The following MXRA8 variants were observed in gnomAD, a reference collection of about 807,000 sequenced individuals.
The protein encoded by MXRA8 is matrix remodeling-associated protein 8.
MXRA8 carries 44 observed loss-of-function variants against 51.4 expected under a neutral mutation model. The ratio of observed to expected loss-of-function variants is 0.86; its 90% CI spans 0.67 to 1.10. The LOEUF is 1.10. Ranked by LOEUF, MXRA8 falls within the 50% of genes least tolerant of loss-of-function variation. MXRA8 has a pLI of 0.00. For synonymous variants in MXRA8, 369 were observed against 293.5 expected (o/e 1.26, Z -2.63); for missense variants, 765 against 638.9 (o/e 1.20, Z -2.13).
In MXRA8 at chr1:1,354,185, G is replaced by C. The variant is rs749381778; in HGVS notation, c.1145+8C>G. ...GGTCCCCAGGAGGGCCGGGAGGGGG[G>C]CACTCACCCCTTTGACTTTCCCGAC... On this transcript the variant is annotated splice_region_variant and intron_variant, in intron 7 of 9. Transcript: ENST00000309212. 5.0e-6 allele frequency: 8 copies of C among 1,612,680 alleles called. No homozygotes were observed. In the South Asian group the frequency reaches 7.7e-5, roughly 15 times the overall value.
Position 1,353,833 on chromosome 1 carries a change from G to GC in MXRA8, c.1303+14dup, listed in dbSNP as rs1644055007. On this transcript the variant is annotated intron_variant, in intron 9 of 9. Coordinates refer to ENST00000309212, the MANE Select transcript of MXRA8 (RefSeq NM_032348.4). ...CAGGGCTCTGAGATGGGCTGAGGTC[G>GC]CCCCCGCCGCTCACCTTTGTCTAGG... 1 of 1,558,530 alleles carries GC rather than the reference G, an allele frequency of 6.4e-7. No homozygotes were observed. Among genetic ancestry groups the GC allele is most frequent in the Non-Finnish European group, 8.7e-7 (1 of 1,150,884 alleles).
rs1644076089 is a variant in MXRA8 at position 1,354,496 on chromosome 1, C to T, written c.963G>A (p.Ala321=). The T allele has an allele frequency of 3.1e-6, 5 of 1,612,106 alleles. No individual in the cohort carries two copies. Among genetic ancestry groups the T allele is most frequent in the Non-Finnish European group, 3.4e-6 (4 of 1,179,756 alleles). Residue 321 remains alanine, a synonymous_variant, in exon 6 of 10, where the codon GCG becomes GCA. Transcript: ENST00000309212. ...TGACATTGATGACGTTGTGGCCGCG[C>T]GCCAGTGTGGGGTCTGCGGGGAACG... The part of the protein sequence containing the change: ...SGAPGPDPTL[A]RGHNVINVIV...
chr1:1,361,644 G>A (rs1644224240), upstream of MXRA8: 1 of 334,420 alleles, frequency 3.0e-6, no homozygotes, highest in Non-Finnish European at 5.8e-6. Context: ...TTAGGCTCGA[G>A]GACAAACCGT....
Position 1,358,484 on chromosome 1 carries a change from G to A in MXRA8, c.21C>T (p.Ile7=), listed in dbSNP as rs755414359. Residue 7 remains isoleucine, a synonymous_variant, in exon 1 of 10, where the codon ATC becomes ATT. Coordinates refer to ENST00000309212, the MANE Select transcript of MXRA8 (RefSeq NM_032348.4). The part of the protein sequence containing the change: MALPSR[I]LLWKLVLLQS... The stretch of plus-strand genomic sequence containing the variant: ...GCAGAAGCACAAGTTTCCAAAGCAG[G>A]ATTCGGGATGGCAGCGCCATGGCCC... The A allele has an allele frequency of 1.2e-6, 2 of 1,613,254 alleles. No individual in the cohort carries two copies. The highest frequency in any genetic ancestry group is 1.7e-6 in the Non-Finnish European group (2 of 1,179,724).
At chr1:1,357,667 C>T (rs781220582) in intron 1 of MXRA8, among the ~76,000 whole-genome samples, 55 of 152,090 alleles carry the variant, frequency 3.6e-4, no homozygotes, top group Admixed American at 1.4e-3. Context: ...ATTAGCCGGA[C>T]GGGGTGGTAG....
intron 1 of MXRA8, 124 bp downstream of exon 1, chr1:1,358,332 C>T (rs1227410218): frequency 1.1e-5 from 12 of 1,130,002 alleles, no homozygotes; most frequent in Admixed American, 3.0e-5. Context: ...CCAGACCCGT[C>T]CTCTTCCCTG....
chr1:1,363,276 C>A (rs538675244), upstream of MXRA8, among the ~76,000 whole-genome samples: 1 of 151,996 alleles, frequency 6.6e-6, no homozygotes, highest in Non-Finnish European at 1.5e-5. Flanking sequence ...GAGTGAGACT[C>A]GGTCTCAAAA....
At chr1:1,359,402 C>T (rs1361680968), upstream of MXRA8, 6 of 985,454 alleles carry the variant, frequency 6.1e-6, no homozygotes, top group Non-Finnish European at 7.2e-6. Flanking sequence ...AAATAACAGC[C>T]TGCACTGTGT....
chr1:1,361,240 A>G (rs1340692224), upstream of MXRA8: 1 of 703,554 alleles, frequency 1.4e-6, no homozygotes, highest in Non-Finnish European at 2.6e-6. Flanking sequence ...AGAGACACGG[A>G]CCTGTGGCCG....
upstream of MXRA8, chr1:1,358,851 T>G: frequency 9.3e-7 from 1 of 1,077,228 alleles, no homozygotes; most frequent in African/African-American, 1.7e-5. Flanking sequence ...GGGCCTGTGG[T>G]GAAGGGTTGG....
At chr1:1,353,812 G>A in intron 9 of MXRA8, 36 bp downstream of exon 9, 1 of 1,542,092 alleles carries the variant, frequency 6.5e-7, no homozygotes, top group Non-Finnish European at 8.8e-7. Context: ...GACAGGCAGG[G>A]CTCTGAGATG....
upstream of MXRA8, chr1:1,359,220 C>A: frequency 1.0e-6 from 1 of 985,406 alleles, no homozygotes; most frequent in Non-Finnish European, 1.2e-6. Context: ...GCAGACCTCT[C>A]CCTGCTGGCC....
At position 1,353,839 on chromosome 1, in the gene MXRA8, G is replaced by A. The variant is rs568821706; in HGVS notation, c.1303+9C>T. ...TCTGAGATGGGCTGAGGTCGCCCCC[G>A]CCGCTCACCTTTGTCTAGGTCGATG... On this transcript the variant is annotated intron_variant, in intron 9 of 9. Coordinates refer to ENST00000309212, the MANE Select transcript of MXRA8 (RefSeq NM_032348.4). The A allele has an allele frequency of 2.0e-5, 32 of 1,570,096 alleles. No homozygotes were observed. The highest frequency in any genetic ancestry group is 7.2e-5 in the Admixed American group (4 of 55,360).
upstream of MXRA8, chr1:1,359,055 G>C: frequency 9.1e-6 from 9 of 985,460 alleles, no homozygotes; most frequent in Non-Finnish European, 1.1e-5. Flanking sequence ...CCTTGGCCCT[G>C]CATGACCTTG....
At position 1,352,872 on chromosome 1, in the gene MXRA8, G is replaced by A; in HGVS notation, c.*732C>T. ...ACTCCAGCCCAGGCAGAGTCCAAGGGAGGGGTGTCAGGGTCAGAAGTCACA... is the reference window on the plus strand; with the variant it reads ...ACTCCAGCCCAGGCAGAGTCCAAGGAAGGGGTGTCAGGGTCAGAAGTCACA... On this transcript the variant is annotated 3_prime_UTR_variant, in exon 10 of 10. Transcript: ENST00000309212. 1 of 281,432 alleles carries A rather than the reference G, an allele frequency of 3.6e-6. No homozygotes were observed. The highest frequency in any genetic ancestry group is 6.8e-6 in the Non-Finnish European group (1 of 146,748). The allele number at this position is 281,432 out of a possible 1,614,324, so 17.4% of individuals were successfully genotyped here. A position where few individuals can be genotyped will look rare whatever the true frequency, so the allele number is the denominator to read the frequency against.
chr1:1,353,050 G>A lies in MXRA8; in HGVS notation c.*554C>T. The A allele has an allele frequency of 1.7e-6, 1 of 594,606 alleles. No individual in the cohort carries two copies. Among genetic ancestry groups the A allele is most frequent in the South Asian group, 2.0e-5 (1 of 48,850 alleles). 36.8% of individuals were successfully genotyped at this position (594,606 alleles called of 1,614,324 possible). On this transcript the variant is annotated 3_prime_UTR_variant, in exon 10 of 10. Transcript: ENST00000309212. Reference sequence around the variant, plus strand: ...AGCAGGTCCCTGGGGAGAACAGATGGTGCCTGGAGTCCCACATGGTGGTAC... The same window carrying A: ...AGCAGGTCCCTGGGGAGAACAGATGATGCCTGGAGTCCCACATGGTGGTAC...
In MXRA8 at chr1:1,353,013, G is replaced by C; in HGVS notation, c.*591C>G. On this transcript the variant is annotated 3_prime_UTR_variant, in exon 10 of 10. Coordinates refer to ENST00000309212, the MANE Select transcript of MXRA8 (RefSeq NM_032348.4). ...AAAGCAACACAGAGGAGCAAGGGCT[G>C]GCATTCAAGTCAGCAGGTCCCTGGG... 1 of 547,536 alleles carries C rather than the reference G, an allele frequency of 1.8e-6. No homozygotes were observed. Among genetic ancestry groups the C allele is most frequent in the Admixed American group, 3.4e-5 (1 of 29,112 alleles). The allele number at this position is 547,536 out of a possible 1,614,324, so 33.9% of individuals were successfully genotyped here. A position where few individuals can be genotyped will look rare whatever the true frequency, so the allele number is the denominator to read the frequency against.
rs944175131 is a variant in MXRA8, at chr1:1,358,305, G to A, written c.49+151C>T. ...GAAGACGTCACAGCCTCTGGCAAGCGGCTCTCCCGAGCGCCCCCAGACCCG... is the reference window on the plus strand; with the variant it reads ...GAAGACGTCACAGCCTCTGGCAAGCAGCTCTCCCGAGCGCCCCCAGACCCG... On this transcript the variant is annotated intron_variant, in intron 1 of 9. Coordinates refer to ENST00000309212, the MANE Select transcript of MXRA8 (RefSeq NM_032348.4). The A allele has an allele frequency of 1.1e-5, 9 of 786,872 alleles. No individual in the cohort carries two copies. The Admixed American group carries it at 1.5e-4, about 13-fold the overall frequency. 48.7% of individuals were successfully genotyped at this position (786,872 alleles called of 1,614,324 possible).
At chr1:1,356,389 G>T in intron 2 of MXRA8, among the ~76,000 whole-genome samples, 1 of 140,708 alleles carries the variant, frequency 7.1e-6, no homozygotes, top group Admixed American at 6.9e-5. Context: ...GCCCTGGTTG[G>T]GGAAGGGGAG....
Sources: allele counts gnomAD v4.1 joint callset (sites outside exome capture counted in the v4.1 genomes callset), GRCh38; gene constraint gnomAD v4.1.1; transcripts MANE v1.5; gene names NCBI Gene and HGNC (gene_info 2026-07-23, HGNC 2026-07-21).